DEGS2: variants seen among roughly 807,000 people sequenced by gnomAD.
The protein encoded by DEGS2 is delta 4-desaturase, sphingolipid 2, also known as sphingolipid delta(4)-desaturase/C4-monooxygenase DES2.
DEGS2 carries 19 observed loss-of-function variants against 23.8 expected under a neutral mutation model. The ratio of observed to expected loss-of-function variants is 0.80; its 90% CI spans 0.56 to 1.17. The LOEUF (loss-of-function observed/expected upper bound fraction) is 1.17. DEGS2 is among the 50% of genes most tolerant of loss of function. The pLI is 0.00. For missense variants in DEGS2, 390 were observed against 459.5 expected (o/e 0.85, Z 1.38); for synonymous variants, 218 against 213.7 (o/e 1.02, Z -0.18).
chr14:100,149,632 TGCACCAGCACCA>T lies in DEGS2; in HGVS notation c.149_160del (p.Leu50_Val53del). On this transcript the variant is annotated inframe_deletion, in exon 2 of 3. Transcript: ENST00000305631. Reference sequence around the variant, plus strand: ...GCGCACCAGCCAGCAGGCCAGCATCTGCACCAGCACCAGCACCAGCACCGCCCACTTGAGGCG... The same window carrying T: ...GCGCACCAGCCAGCAGGCCAGCATCTGCACCAGCACCGCCCACTTGAGGCG... The T allele has an allele frequency of 1.2e-6, 2 of 1,612,060 alleles. No individual in the cohort carries two copies. Among genetic ancestry groups the T allele is most frequent in the Non-Finnish European group, 1.7e-6 (2 of 1,179,604 alleles).
intron 1 of DEGS2, among the ~76,000 whole-genome samples, chr14:100,158,568 G>A (rs1889696607): frequency 6.6e-6 from 1 of 152,094 alleles, no homozygotes; most frequent in East Asian, 1.9e-4. Flanking sequence ...TAAAACGCCC[G>A]ATTAAAATGT....
intron 2 of DEGS2, among the ~76,000 whole-genome samples, chr14:100,148,348 T>C (rs1418328927): frequency 1.3e-5 from 2 of 152,190 alleles, no homozygotes; most frequent in Non-Finnish European, 2.9e-5. Flanking sequence ...CCGCCCCCTT[T>C]GCCACAGGTA....
At chr14:100,148,299 C>T (rs1889491840) in intron 2 of DEGS2, among the ~76,000 whole-genome samples, 1 of 152,220 alleles carries the variant, frequency 6.6e-6, no homozygotes. Context: ...CAGAGGCGTG[C>T]GCTCAGGCGC....
chr14:100,163,229 G>A (rs1889770189), upstream of DEGS2, among the ~76,000 whole-genome samples: 1 of 151,942 alleles, frequency 6.6e-6, no homozygotes, highest in African/African-American at 2.4e-5. Context: ...ATTATCTGAG[G>A]TCAGGACTTG....
intron 1 of DEGS2, among the ~76,000 whole-genome samples, chr14:100,151,795 T>C (rs566543632): frequency 1.3e-5 from 2 of 152,358 alleles, no homozygotes; most frequent in East Asian, 3.9e-4. Context: ...GGAGTGGGTC[T>C]ACTCTGCACC....
At chr14:100,159,439 C>G (rs1430607088) in intron 1 of DEGS2, 67 bp downstream of exon 1, 7 of 1,297,230 alleles carry the variant, frequency 5.4e-6, no homozygotes, top group Middle Eastern at 4.1e-4. Flanking sequence ...GGGCTCGACC[C>G]CACGACGCGA....
At chr14:100,150,269 G>A (rs949620210) in intron 1 of DEGS2, among the ~76,000 whole-genome samples, 1 of 152,128 alleles carries the variant, frequency 6.6e-6, no homozygotes, top group Non-Finnish European at 1.5e-5. Context: ...GGCTGAGACC[G>A]CAGGTCCGAA....
upstream of DEGS2, among the ~76,000 whole-genome samples, chr14:100,164,098 C>A (rs1056968449): frequency 1.3e-5 from 2 of 151,898 alleles, no homozygotes; most frequent in Non-Finnish European, 2.9e-5. Context: ...CGCCTGTGGT[C>A]CCAGGCGCGA....
intron 1 of DEGS2, among the ~76,000 whole-genome samples, chr14:100,151,085 G>A (rs1321431789): frequency 6.6e-6 from 1 of 152,208 alleles, no homozygotes; most frequent in Non-Finnish European, 1.5e-5. Context: ...AGCCTCAGGG[G>A]CCCAACCCCA....
intron 1 of DEGS2, among the ~76,000 whole-genome samples, chr14:100,154,600 G>A (rs1219518734): frequency 6.6e-6 from 1 of 152,258 alleles, no homozygotes; most frequent in African/African-American, 2.4e-5. Context: ...CAGTTAGCAG[G>A]CTCACTCATA....
intron 2 of DEGS2, among the ~76,000 whole-genome samples, 174 bp from the exon 3 acceptor site, chr14:100,147,081 C>T (rs796445987): frequency 7.9e-5 from 12 of 152,318 alleles, no homozygotes; most frequent in African/African-American, 2.4e-4. Context: ...TGCAAACACA[C>T]CGTCGCCTCT....
rs1023090040 is a variant in DEGS2, at chr14:100,149,320, C to T, written c.473G>A (p.Arg158His). The T allele has an allele frequency of 8.7e-6, 14 of 1,611,544 alleles. No homozygotes were observed. Among genetic ancestry groups the T allele is most frequent in the East Asian group, 6.7e-5 (3 of 44,872 alleles). Residue 158 changes from arginine to histidine, a missense_variant, in exon 2 of 3, where the codon CGC becomes CAC. Transcript: ENST00000305631. Reference protein sequence around the residue: ...LEGWFFCTPARKLLWLVLQPF... With the variant: ...LEGWFFCTPAHKLLWLVLQPF... ...CTGCAGCACCAGCCAGAGCAGCTTG[C>T]GGGCGGGTGTGCAGAAGAACCAGCC...
chr14:100,166,266 G>GGAGCCTGCCCGGGGAAGTGGGA, the DEGS2 span, among the ~76,000 whole-genome samples: 2 of 16,736 alleles, frequency 1.2e-4, no homozygotes, highest in Non-Finnish European at 2.9e-4. Flanking sequence ...GGGGAGTGGG[G>GGAGCCTGCCCGGGGAAGTGGGA]GGAGCCTGTC....
In DEGS2 at chr14:100,146,904, G is replaced by T. The variant is rs762393992; in HGVS notation, c.829C>A (p.Arg277=). The change falls in exon 3 of 3, where the codon CGG becomes AGG. Residue 277 remains arginine, a synonymous_variant. Coordinates refer to ENST00000305631, the MANE Select transcript of DEGS2 (RefSeq NM_206918.3). The part of the protein sequence containing the change: ...SIPGYNLPLV[R]KIAPEYYDHL... ...TCGTAGTACTCGGGCGCGATCTTCC[G>T]CACCTGTAGAGAGGAGGGCGGGGCT... is the stretch of plus-strand genomic sequence containing the variant. The T allele has an allele frequency of 6.2e-7, 1 of 1,612,130 alleles. No homozygotes were observed. Among genetic ancestry groups the T allele is most frequent in the South Asian group, 1.1e-5 (1 of 90,904 alleles).
intron 1 of DEGS2, among the ~76,000 whole-genome samples, chr14:100,158,510 C>G (rs939354817): frequency 6.6e-6 from 1 of 152,020 alleles, no homozygotes; most frequent in Non-Finnish European, 1.5e-5. Flanking sequence ...CGCAGTGAGC[C>G]GAGATCGCGA....
intron 1 of DEGS2, among the ~76,000 whole-genome samples, 153 bp from the exon 2 acceptor site, chr14:100,149,863 G>A (rs577308950): frequency 1.8e-4 from 28 of 152,184 alleles, no homozygotes; most frequent in African/African-American, 4.8e-4. Context: ...CCTGTCCCTC[G>A]AGGGCCCGCT....
chr14:100,147,030 T>TGC (rs1472420409), intron 2 of DEGS2, 123 bp from the exon 3 acceptor site: 7 of 1,171,776 alleles, frequency 6.0e-6, no homozygotes, highest in South Asian at 2.9e-5. Flanking sequence ...CGAACATGTT[T>TGC]GCGCGCGCGC....
Position 100,144,195 on chromosome 14 carries a change from G to A in DEGS2, c.*2566C>T, listed in dbSNP as rs188626923. On this transcript the variant is annotated 3_prime_UTR_variant, in exon 3 of 3. Coordinates refer to ENST00000305631, the MANE Select transcript of DEGS2 (RefSeq NM_206918.3). ...GTTGAAACTGTCTGTCATGCACCAC[G>A]GTGTCTGTGTCCACACAGTAATAAA... The A allele has an allele frequency of 3.7e-4, 66 of 176,884 alleles. No individual in the cohort carries two copies. The East Asian group carries it at 0.01, about 27-fold the overall frequency. The allele number at this position is 176,884 out of a possible 1,614,324, so 11.0% of individuals were successfully genotyped here.
chr14:100,156,025 G>A (rs912544020), intron 1 of DEGS2, among the ~76,000 whole-genome samples: 1 of 152,210 alleles, frequency 6.6e-6, no homozygotes, highest in East Asian at 1.9e-4. Flanking sequence ...TATGTTCTAG[G>A]GAGCATGTCC....
Sources: gnomAD v4.1 joint callset for allele counts (sites outside exome capture counted in the v4.1 genomes callset) on GRCh38, gnomAD v4.1.1 for gene constraint, MANE v1.5 for transcripts, NCBI Gene and HGNC (gene_info 2026-07-23, HGNC 2026-07-21) for gene names.